The following GPR143 variants were observed in gnomAD, a reference collection of about 807,000 sequenced individuals.
The protein encoded by GPR143 is G-protein coupled receptor 143.
In GPR143, 8 loss-of-function variants were observed where a neutral mutation model predicts 27.6. The observed-to-expected ratio is 0.29, with a 90% CI of 0.17 to 0.52. The LOEUF is 0.52. Ranked by LOEUF, GPR143 falls within the 20% of genes least tolerant of loss-of-function variation. GPR143 has a pLI of 0.96. For synonymous variants in GPR143, 156 were observed against 153.2 expected (o/e 1.02, Z -0.13); for missense variants, 303 against 343.1 (o/e 0.88, Z 0.92).
intron 1 of GPR143, among the ~76,000 whole-genome samples, chrX:9,762,441 C>T (rs1328453553): frequency 9.0e-6 from 1 of 111,139 alleles, no homozygotes; most frequent in Non-Finnish European, 1.9e-5. Flanking sequence ...GTAAACAACA[C>T]CAAGCTACAT....
At chrX:9,726,111 G>T (rs2083325951) in intron 8 of GPR143, 1 of 364,032 alleles carries the variant, frequency 2.7e-6, no homozygotes, top group Non-Finnish European at 3.5e-6. Flanking sequence ...TTGATTGATA[G>T]GTGACTGCGG....
At chrX:9,732,473 G>A (rs1432727221) in intron 8 of GPR143, among the ~76,000 whole-genome samples, 2 of 111,417 alleles carry the variant, frequency 1.8e-5, no homozygotes, top group Non-Finnish European at 3.8e-5. Flanking sequence ...AAGGAATTAT[G>A]GTGCAGAATT....
intron 1 of GPR143, among the ~76,000 whole-genome samples, chrX:9,776,656 T>G (rs2083571818): frequency 9.3e-6 from 1 of 107,380 alleles, no homozygotes; most frequent in Admixed American, 1.0e-4. Context: ...ACCAAAATGC[T>G]GGGATTACAG....
intron 3 of GPR143, among the ~76,000 whole-genome samples, chrX:9,750,610 C>G (rs1320835874): frequency 9.0e-6 from 1 of 110,926 alleles, no homozygotes; most frequent in Non-Finnish European, 1.9e-5. Context: ...GTCACCCAGG[C>G]TGGAGTGCAG....
intron 3 of GPR143, among the ~76,000 whole-genome samples, chrX:9,757,225 A>G (rs1480757484): frequency 8.9e-6 from 1 of 111,959 alleles, no homozygotes. Flanking sequence ...TTCCTGGTTC[A>G]TAGATAGCAC....
chrX:9,760,785 A>C lies in GPR143; in HGVS notation c.292T>G (p.Phe98Val). The C allele has an allele frequency of 8.4e-7, 1 of 1,189,671 alleles. No homozygotes were observed. The highest frequency in any genetic ancestry group is 1.8e-5 in the South Asian group (1 of 54,662). Residue 98 changes from phenylalanine (F) to valine (V), a missense_variant, in exon 2 of 9, where the codon TTT becomes GTT. By Grantham distance (50) the Phe-to-Val change is conservative. Coordinates refer to ENST00000467482, the MANE Select transcript of GPR143 (RefSeq NM_000273.3). ...TTCATATCCGAGACGCTGTCAACAAAATTTGGGAATCCTAACCACACGGTG... is the reference window on the plus strand; with the variant it reads ...TTCATATCCGAGACGCTGTCAACAACATTTGGGAATCCTAACCACACGGTG... Reference protein sequence around the residue: ...RSTVWLGFPNFVDSVSDMNHT... With the variant: ...RSTVWLGFPNVVDSVSDMNHT...
At chrX:9,752,120 A>C (rs2083453797) in intron 3 of GPR143, among the ~76,000 whole-genome samples, 2 of 112,766 alleles carry the variant, frequency 1.8e-5, no homozygotes, top group African/African-American at 6.4e-5. Context: ...CCATACTGGC[A>C]TGCAATGGCA....
intron 8 of GPR143, among the ~76,000 whole-genome samples, chrX:9,728,946 A>T (rs1370445077): frequency 9.0e-6 from 1 of 111,400 alleles, no homozygotes; most frequent in East Asian, 2.8e-4. Flanking sequence ...GATTAAGATG[A>T]GTCCTGGATA....
intron 3 of GPR143, among the ~76,000 whole-genome samples, chrX:9,752,230 TTTTTTA>T (rs1236977987): frequency 8.9e-6 from 1 of 111,915 alleles, no homozygotes; most frequent in Non-Finnish European, 1.9e-5. Flanking sequence ...CCCAGCTAAC[TTTTTTA>T]TTTTTATTTT....
chrX:9,756,404 T>C (rs1260027497), intron 3 of GPR143, among the ~76,000 whole-genome samples: 1 of 111,873 alleles, frequency 8.9e-6, no homozygotes. Flanking sequence ...TTCATCAGAA[T>C]GAAAAACTTC....
At position 9,737,985 on chromosome X, in the gene GPR143, G is replaced by A. The variant is rs576376768; in HGVS notation, c.1120+1500C>T. On this transcript the variant is annotated intron_variant, in intron 8 of 8. Coordinates refer to ENST00000467482, the MANE Select transcript of GPR143 (RefSeq NM_000273.3). The stretch of plus-strand genomic sequence containing the variant: ...GCTACACTCTAGCCTGGATGACAGA[G>A]GGAGACCCTGTCTCAAAAAACAAAA... Among the ~76,000 whole-genome samples the A allele has an allele frequency of 2.9e-4, 33 of 112,112 alleles. No homozygotes were observed. In the South Asian group the frequency reaches 8.6e-3, roughly 29 times the overall value.
intron 1 of GPR143, among the ~76,000 whole-genome samples, chrX:9,763,630 G>C (rs747229746): frequency 9.0e-6 from 1 of 111,689 alleles, no homozygotes; most frequent in Non-Finnish European, 1.9e-5. Context: ...CAGATGAGCC[G>C]GGTACCCGTA....
upstream of GPR143, among the ~76,000 whole-genome samples, chrX:9,768,187 A>G (rs987165265): frequency 5.4e-5 from 6 of 111,906 alleles, no homozygotes; most frequent in Non-Finnish European, 1.1e-4. Context: ...GCATGAGTGT[A>G]AGACTAAATT....
intron 1 of GPR143, among the ~76,000 whole-genome samples, chrX:9,764,822 T>C (rs2083521091): frequency 9.2e-6 from 1 of 109,111 alleles, no homozygotes; most frequent in South Asian, 3.9e-4. Context: ...AGGTCAGGAG[T>C]TCGAGAGCAG....
intron 6 of GPR143, among the ~76,000 whole-genome samples, chrX:9,742,150 A>T (rs940314984): frequency 8.9e-6 from 1 of 111,876 alleles, no homozygotes; most frequent in African/African-American, 3.3e-5. Flanking sequence ...GTATTTTTCA[A>T]TGTTATTTTA....
At position 9,754,140 on chromosome X, in the gene GPR143, T is replaced by C. The variant is rs144841121; in HGVS notation, c.455+5192A>G. On this transcript the variant is annotated intron_variant, in intron 3 of 8. Transcript: ENST00000467482. ...GTCACTCAAAACCCTACCAGATTCC[T>C]GGCAAATATCACAACCCCCACCCCA... Among the ~76,000 whole-genome samples the C allele has an allele frequency of 6.1e-3, 681 of 111,459 alleles. 3 individuals are homozygous for C. Among genetic ancestry groups the C allele is most frequent in the African/African-American group, 0.021 (650 of 30,651 alleles).
chrX:9,748,623 G>A lies in GPR143; in HGVS notation c.499C>T (p.Leu167=). The part of the protein sequence containing the change: ...YHIMAWGLAT[L]LCVEGAAMLY... Reference sequence around the variant, plus strand: ...ATGGCGGCTCCCTCCACACAGAGCAGGGTGGCCAGGCCCCACGCCATGATG... The same window carrying A: ...ATGGCGGCTCCCTCCACACAGAGCAAGGTGGCCAGGCCCCACGCCATGATG... Residue 167 remains leucine, a synonymous_variant, in exon 4 of 9, where the codon CTG becomes TTG. Transcript: ENST00000467482. 8.3e-7 allele frequency: 1 copy of A among 1,208,850 alleles called. No homozygotes were observed. Among genetic ancestry groups the A allele is most frequent in the African/African-American group, 1.7e-5 (1 of 57,874 alleles).
chrX:9,768,009 G>A (rs907447970), upstream of GPR143, among the ~76,000 whole-genome samples: 4 of 111,542 alleles, frequency 3.6e-5, no homozygotes, highest in East Asian at 1.1e-3. Flanking sequence ...TGCTTCCTAC[G>A]TGATAACCTG....
At position 9,776,636 on chromosome X, in the gene GPR143, G is replaced by T. The variant is rs191645144; in HGVS notation, c.-3+9606C>A. Among the ~76,000 whole-genome samples the T allele has an allele frequency of 3.9e-5, 4 of 101,970 alleles. No individual in the cohort carries two copies. The East Asian group carries it at 1.3e-3, about 32-fold the overall frequency. The allele number at this position is 101,970 out of a possible 115,157, so 88.5% of individuals were successfully genotyped here. A position where few individuals can be genotyped will look rare whatever the true frequency, so the allele number is the denominator to read the frequency against. On this transcript the variant is annotated intron_variant, in intron 1 of 7. Transcript: ENST00000447366. The stretch of plus-strand genomic sequence containing the variant: ...ACTCCTGGCCTCGAGTGATCCTCCT[G>T]CCTTGGCCTACCAAAATGCTGGGAT...
Sources: gnomAD v4.1 joint callset for allele counts (sites outside exome capture counted in the v4.1 genomes callset) on GRCh38, gnomAD v4.1.1 for gene constraint, MANE v1.5 for transcripts, NCBI Gene and HGNC (gene_info 2026-07-23, HGNC 2026-07-21) for gene names.